Variants in DARS1 observed in about 807,000 individuals in gnomAD.
DARS1 encodes the protein aspartate--tRNA ligase, cytoplasmic.
In DARS1, 51 loss-of-function variants were observed where a neutral mutation model predicts 68.8. The ratio of observed to expected loss-of-function variants is 0.74; its 90% confidence interval spans 0.59 to 0.94. The LOEUF is 0.94. Ranked by LOEUF, DARS1 falls within the 40% of genes least tolerant of loss-of-function variation. The pLI, the probability that DARS1 is intolerant of heterozygous loss-of-function variation, is 0.00. For synonymous variants in DARS1, 203 were observed against 190.4 expected (o/e 1.07, Z -0.55); for missense variants, 607 against 597.3 (o/e 1.02, Z -0.17).
chr2:135,969,002 C>T (rs1682303372), intron 3 of DARS1, among the ~76,000 whole-genome samples: 1 of 151,910 alleles, frequency 6.6e-6, no homozygotes, highest in Non-Finnish European at 1.5e-5. Flanking sequence ...AATAACGAAA[C>T]CATGGCAGCA....
intron 3 of DARS1, among the ~76,000 whole-genome samples, chr2:135,966,854 C>T (rs1682248888): frequency 6.6e-6 from 1 of 152,248 alleles, no homozygotes; most frequent in East Asian, 1.9e-4. Context: ...ATTCTTAACA[C>T]TTAAAACTTT....
chr2:135,924,419 A>G lies in DARS1; in HGVS notation c.644T>C (p.Phe215Ser), dbSNP rs751774677. Residue 215 changes from phenylalanine (F) to serine (S), a missense_variant, in exon 8 of 16, where the codon TTT becomes TCT. Physicochemically the swap from Phe to Ser is radical, Grantham distance 155. Coordinates refer to ENST00000264161, the MANE Select transcript of DARS1 (RefSeq NM_001349.4). ...LFRETLINKG[F>S]VEIQTPKIIS... ...AATTTTAGGAGTTTGGATTTCCACAAAACCTTTGTTAATTAAAGTTTCTCG... is the reference window on the plus strand; with the variant it reads ...AATTTTAGGAGTTTGGATTTCCACAGAACCTTTGTTAATTAAAGTTTCTCG... The G allele has an allele frequency of 1.2e-6, 2 of 1,604,994 alleles. No homozygotes were observed. The highest frequency in any genetic ancestry group is 1.7e-5 in the Admixed American group (1 of 57,238).
At chr2:135,981,674 C>CTTTTTTTTTTT (rs1312008531) in intron 2 of DARS1, among the ~76,000 whole-genome samples, 12 of 140,556 alleles carry the variant, frequency 8.5e-5, no homozygotes, top group South Asian at 4.5e-4. Flanking sequence ...GAAATTTTGG[C>CTTTTTTTTTTT]TTTTTTTTTT....
intron 7 of DARS1, among the ~76,000 whole-genome samples, chr2:135,932,384 G>T (rs565078582): frequency 5.3e-5 from 8 of 152,248 alleles, no homozygotes; most frequent in African/African-American, 1.9e-4. Context: ...AAATTCAAAG[G>T]ATTGAAGCAT....
At chr2:135,910,286 C>T (rs1680869261) in intron 15 of DARS1, among the ~76,000 whole-genome samples, 1 of 152,160 alleles carries the variant, frequency 6.6e-6, no homozygotes, top group African/African-American at 2.4e-5. Flanking sequence ...TTCCCATCAA[C>T]TATTTACAAA....
chr2:135,952,055 A>G (rs567580596), intron 4 of DARS1, among the ~76,000 whole-genome samples: 3 of 152,302 alleles, frequency 2.0e-5, no homozygotes, highest in East Asian at 3.9e-4. Context: ...AGGCTGGCCA[A>G]CATGATGAAA....
chr2:135,954,807 C>T (rs944828775), intron 4 of DARS1, among the ~76,000 whole-genome samples: 2 of 152,014 alleles, frequency 1.3e-5, no homozygotes, highest in Non-Finnish European at 2.9e-5. Context: ...CTACAGAGGT[C>T]GAGGAAGAGT....
rs79745746 is a variant in DARS1 at position 135,969,712 on chromosome 2, T to C, written c.218-8214A>G. On this transcript the variant is annotated intron_variant, in intron 3 of 15. Transcript: ENST00000264161. ...TATAAAATACATTATTGTCACTCAC[T>C]GCAATTACATAAAGTTGATTCTTGT... 8.6e-3 allele frequency among the ~76,000 whole-genome samples: 1,310 copies of C among 152,230 alleles called. 16 individuals carry two copies. The highest frequency in any genetic ancestry group is 0.028 in the African/African-American group (1,157 of 41,538).
In DARS1 at chr2:135,914,495, G is replaced by A; in HGVS notation, c.1123C>T (p.Leu375=). The change falls in exon 12 of 16, where the codon CTG becomes TTG. Residue 375 remains leucine, a synonymous_variant. Transcript: ENST00000264161. ...TTTTCCTTTACCAAATGACCCAACA[G>A]CTTTTCATTTGGTGTGCTGAAAAAG... ...EDDLSTPNEK[L]LGHLVKEKYD... The A allele has an allele frequency of 6.8e-7, 1 of 1,465,906 alleles. No homozygotes were observed. The highest frequency in any genetic ancestry group is 9.6e-7 in the Non-Finnish European group (1 of 1,044,826). 90.8% of individuals were successfully genotyped at this position (1,465,906 alleles called of 1,614,324 possible). A position where few individuals can be genotyped will look rare whatever the true frequency, so the allele number is the denominator to read the frequency against.
chr2:135,922,396 C>A (rs1349342393), intron 9 of DARS1, among the ~76,000 whole-genome samples: 1 of 152,118 alleles, frequency 6.6e-6, no homozygotes, highest in Non-Finnish European at 1.5e-5. Context: ...TCTGTTCTAA[C>A]TGCACTGAGG....
At chr2:135,972,697 A>C (rs1682400619) in intron 3 of DARS1, among the ~76,000 whole-genome samples, 1 of 152,240 alleles carries the variant, frequency 6.6e-6, no homozygotes, top group Non-Finnish European at 1.5e-5. Context: ...ATTACTAACC[A>C]GAATACATAA....
chr2:135,906,731 T>C lies in DARS1; in HGVS notation c.*585A>G, dbSNP rs935084304. 6.6e-6 allele frequency: 1 copy of C among 152,214 alleles called. No homozygotes were observed. Among genetic ancestry groups the C allele is most frequent in the African/African-American group, 2.4e-5 (1 of 41,460 alleles). The allele number at this position is 152,214 out of a possible 1,614,324, so 9.4% of individuals were successfully genotyped here. The stretch of plus-strand genomic sequence containing the variant: ...TCAAGTTTAGAATTTAACAAATTAA[T>C]ACAATATTACACTGAATACTTTCTA... On this transcript the variant is annotated 3_prime_UTR_variant, in exon 16 of 16. Coordinates refer to ENST00000264161, the MANE Select transcript of DARS1 (RefSeq NM_001349.4).
intron 7 of DARS1, among the ~76,000 whole-genome samples, chr2:135,930,606 T>G (rs1333111808): frequency 6.6e-6 from 1 of 152,220 alleles, no homozygotes; most frequent in Non-Finnish European, 1.5e-5. Flanking sequence ...AAACCTGTAA[T>G]ACGAACATAA....
chr2:135,944,194 T>C (rs976249258), intron 4 of DARS1, among the ~76,000 whole-genome samples: 3 of 152,220 alleles, frequency 2.0e-5, no homozygotes, highest in Non-Finnish European at 4.4e-5. Flanking sequence ...ATGATTATTT[T>C]TTTAATCACT....
Position 135,907,261 on chromosome 2 carries a change from T to TTTTGG in DARS1, c.*54_*55insCCAAA. The TTTTGG allele has an allele frequency of 1.1e-6, 1 of 889,240 alleles. No homozygotes were observed. Among genetic ancestry groups the TTTTGG allele is most frequent in the South Asian group, 1.8e-5 (1 of 56,438 alleles). 55.1% of individuals were successfully genotyped at this position (889,240 alleles called of 1,614,324 possible). A position where few individuals can be genotyped will look rare whatever the true frequency, so the allele number is the denominator to read the frequency against. On this transcript the variant is annotated 3_prime_UTR_variant, in exon 16 of 16. Coordinates refer to ENST00000264161, the MANE Select transcript of DARS1 (RefSeq NM_001349.4). Reference sequence around the variant, plus strand: ...GGCTTTCTTTTTTTTTTTTTTTTTTTGAGGCAGGGTCTCGCTCTGTCATCC... The same window carrying TTTTGG: ...GGCTTTCTTTTTTTTTTTTTTTTTTTTTTGGGAGGCAGGGTCTCGCTCTGTCATCC...
At chr2:135,981,079 T>C (rs1275467471) in intron 2 of DARS1, among the ~76,000 whole-genome samples, 1 of 152,204 alleles carries the variant, frequency 6.6e-6, no homozygotes, top group Non-Finnish European at 1.5e-5. Context: ...GGAAACCACC[T>C]TGAGCAAAGA....
chr2:135,911,251 TTTATC>T (rs1650887806), intron 14 of DARS1, 41 bp from the exon 15 acceptor site: 1 of 1,080,838 alleles, frequency 9.3e-7, no homozygotes, highest in African/African-American at 1.6e-5. Flanking sequence ...TATCATCTTA[TTTATC>T]TTAAAAGGTC....
rs537504844 is a variant in DARS1 at position 135,915,078 on chromosome 2, T to C, written c.1107-567A>G. 4.6e-5 allele frequency among the ~76,000 whole-genome samples: 7 copies of C among 152,256 alleles called. No individual in the cohort carries two copies. In the South Asian group the frequency reaches 1.5e-3, roughly 32 times the overall value. On this transcript the variant is annotated intron_variant, in intron 11 of 15. Transcript: ENST00000264161. ...TGCCTTAAAATGTCATCTAGCAATG[T>C]AGGCAATATTTAAAGCCATATATAT...
chr2:135,936,089 C>T (rs1032536421), intron 5 of DARS1, among the ~76,000 whole-genome samples: 8 of 152,164 alleles, frequency 5.3e-5, no homozygotes, highest in Non-Finnish European at 1.5e-5. Flanking sequence ...ACCATGAGTA[C>T]TCTGACCCCA....
Sources: allele counts gnomAD v4.1 joint callset (sites outside exome capture counted in the v4.1 genomes callset), GRCh38; gene constraint gnomAD v4.1.1; transcripts MANE v1.5; gene names NCBI Gene and HGNC (gene_info 2026-07-23, HGNC 2026-07-21).